YAF2: variants seen among roughly 807,000 people sequenced by gnomAD.
The protein encoded by YAF2 is YY1-associated factor 2.
A neutral mutation model predicts 20.1 loss-of-function variants in YAF2; 7 were observed. The ratio of observed to expected loss-of-function variants is 0.35; its 90% CI spans 0.20 to 0.65. The LOEUF is 0.65. YAF2 is among the 30% of genes least tolerant of loss of function. The pLI, the probability that YAF2 is intolerant of heterozygous loss-of-function variation, is 0.69. For synonymous variants in YAF2, 74 were observed against 76.0 expected, an observed-to-expected ratio of 0.97 and a Z score of 0.14; for missense variants, 151 against 219.2, an observed-to-expected ratio of 0.69 and a Z score of 1.96.
rs1453273892 is a variant in YAF2, at chr12:42,236,086, T to C, written c.152+1513A>G. The stretch of plus-strand genomic sequence containing the variant: ...GAGGGAACAACAAAAAGCAATAATA[T>C]ATAGTACCAGAGATCAAGATTATAA... On this transcript the variant is annotated intron_variant, in intron 2 of 3. Coordinates refer to ENST00000534854, the MANE Select transcript of YAF2 (RefSeq NM_005748.6). 7.6e-5 allele frequency: 111 copies of C among 1,456,552 alleles called. 1 individual carries two copies. The highest frequency in any genetic ancestry group is 1.5e-4 in the South Asian group (12 of 77,730). The allele number at this position is 1,456,552 out of a possible 1,614,324, so 90.2% of individuals were successfully genotyped here. A position where few individuals can be genotyped will look rare whatever the true frequency, so the allele number is the denominator to read the frequency against.
At chr12:42,226,265 G>A (rs926954417) in intron 2 of YAF2, among the ~76,000 whole-genome samples, 1 of 152,120 alleles carries the variant, frequency 6.6e-6, no homozygotes, top group African/African-American at 2.4e-5. Flanking sequence ...TGAAAAATGA[G>A]ACCTAATAAG....
At chr12:42,183,086 A>G (rs1455857598) in intron 2 of YAF2, among the ~76,000 whole-genome samples, 1 of 152,052 alleles carries the variant, frequency 6.6e-6, no homozygotes, top group East Asian at 1.9e-4. Flanking sequence ...GTGATCTTTG[A>G]TGTTACTGCT....
At chr12:42,207,453 GC>G (rs2067076404) in intron 2 of YAF2, among the ~76,000 whole-genome samples, 1 of 144,664 alleles carries the variant, frequency 6.9e-6, no homozygotes, top group Non-Finnish European at 1.5e-5. Context: ...CTTTTTATAT[GC>G]CACAAGATAA....
intron 2 of YAF2, chr12:42,233,176 CTCTT>C (rs2068033952): frequency 1.0e-6 from 1 of 985,250 alleles, no homozygotes; most frequent in African/African-American, 1.7e-5. Context: ...ACATCTAGCA[CTCTT>C]TCTACTATGT....
chr12:42,205,152 G>GA (rs1003786186), intron 2 of YAF2, among the ~76,000 whole-genome samples: 104 of 145,530 alleles, frequency 7.1e-4, no homozygotes, highest in African/African-American at 2.4e-3. Flanking sequence ...AGACAAATTT[G>GA]AAAAAAAAAT....
chr12:42,210,650 G>GT (rs1220129705), intron 2 of YAF2: 3 of 1,535,944 alleles, frequency 2.0e-6, no homozygotes, highest in Non-Finnish European at 2.6e-6. Context: ...GAGAACTCCA[G>GT]TTACTGGTAA....
intron 2 of YAF2, among the ~76,000 whole-genome samples, chr12:42,187,022 T>C (rs1178259837): frequency 1.3e-5 from 2 of 152,200 alleles, no homozygotes; most frequent in Admixed American, 6.5e-5. Context: ...ATATATATAG[T>C]TCAAGCTCAT....
intron 2 of YAF2, among the ~76,000 whole-genome samples, chr12:42,163,216 T>C (rs1444840439): frequency 2.0e-5 from 3 of 152,126 alleles, no homozygotes; most frequent in Non-Finnish European, 4.4e-5. Context: ...CTGTTACTAC[T>C]ATAAGATAAA....
At chr12:42,189,133 G>A (rs1466046187) in intron 2 of YAF2, among the ~76,000 whole-genome samples, 5 of 152,100 alleles carry the variant, frequency 3.3e-5, no homozygotes, top group African/African-American at 9.7e-5. Flanking sequence ...AAGGTAGAGA[G>A]AGCACTATGA....
intron 2 of YAF2, among the ~76,000 whole-genome samples, chr12:42,224,092 A>G (rs2067609476): frequency 6.6e-6 from 1 of 152,216 alleles, no homozygotes; most frequent in Non-Finnish European, 1.5e-5. Context: ...ATTTCATATA[A>G]GCACAGCCTT....
At chr12:42,226,575 G>A (rs10785334) in intron 2 of YAF2, among the ~76,000 whole-genome samples, 56,309 of 151,880 alleles carry the variant, frequency 0.37, 10,611 homozygotes, top group South Asian at 0.48. Flanking sequence ...AAGGTGGGGG[G>A]ACCACTTCAA....
intron 2 of YAF2, among the ~76,000 whole-genome samples, chr12:42,211,543 C>T (rs1407411968): frequency 1.3e-5 from 2 of 151,654 alleles, no homozygotes; most frequent in East Asian, 1.9e-4. Context: ...TCAAGACCAG[C>T]CTGACCAACA....
At chr12:42,228,713 G>A (rs1219360689) in intron 2 of YAF2, among the ~76,000 whole-genome samples, 125 of 79,560 alleles carry the variant, frequency 1.6e-3, no homozygotes, top group Non-Finnish European at 2.2e-3. Context: ...GGTGAGGGGC[G>A]CCTCTGCCCG....
intron 2 of YAF2, among the ~76,000 whole-genome samples, chr12:42,175,424 A>C (rs1261433325): frequency 6.6e-6 from 1 of 152,014 alleles, no homozygotes; most frequent in Non-Finnish European, 1.5e-5. Context: ...AAAATAATGG[A>C]TGTGTGTCTG....
chr12:42,217,829 A>T (rs1421250377), intron 2 of YAF2, among the ~76,000 whole-genome samples: 1 of 152,180 alleles, frequency 6.6e-6, no homozygotes, highest in South Asian at 2.1e-4. Context: ...TTGAGAGGGC[A>T]TTCACTCTGA....
At chr12:42,198,126 G>A (rs1592227474) in intron 2 of YAF2, among the ~76,000 whole-genome samples, 1 of 151,992 alleles carries the variant, frequency 6.6e-6, no homozygotes, top group African/African-American at 2.4e-5. Flanking sequence ...AAAAAAAAAA[G>A]TCATCATGTA....
chr12:42,205,832 T>G (rs1430815740), intron 2 of YAF2: 1 of 353,616 alleles, frequency 2.8e-6, no homozygotes, highest in Non-Finnish European at 5.8e-6. Context: ...TATAAATTTA[T>G]CCCCAAGTAC....
chr12:42,189,793 A>G (rs756399172), intron 2 of YAF2, among the ~76,000 whole-genome samples: 7 of 152,156 alleles, frequency 4.6e-5, no homozygotes, highest in Admixed American at 6.5e-5. Context: ...ATAAGTACCA[A>G]TTGATGGTGT....
chr12:42,204,731 T>C (rs1380168585), intron 2 of YAF2, among the ~76,000 whole-genome samples: 2 of 152,198 alleles, frequency 1.3e-5, no homozygotes, highest in East Asian at 3.8e-4. Context: ...GTATTATTAT[T>C]TGGCTATAAA....
Sources: gnomAD v4.1 joint callset for allele counts (sites outside exome capture counted in the v4.1 genomes callset) on GRCh38, gnomAD v4.1.1 for gene constraint, MANE v1.5 for transcripts, NCBI Gene and HGNC (gene_info 2026-07-23, HGNC 2026-07-21) for gene names.